DENND6B: variants seen among roughly 807,000 people sequenced by gnomAD.
DENND6B encodes protein DENND6B.
A neutral mutation model predicts 85.1 loss-of-function variants in DENND6B; 73 were observed. That is an observed-to-expected ratio of 0.86 (90% CI 0.71 to 1.04). DENND6B has a LOEUF of 1.04. Ranked by LOEUF, DENND6B falls within the 50% of genes least tolerant of loss-of-function variation. The probability of loss-of-function intolerance (pLI) is 0.00; values close to 1 mark genes in which losing one functional copy is unlikely to be tolerated. For synonymous variants in DENND6B, 357 were observed against 329.3 expected (o/e 1.08, Z -0.91); for missense variants, 715 against 785.8 (o/e 0.91, Z 1.08).
At position 50,323,375 on chromosome 22, in the gene DENND6B, C is replaced by T. The variant is rs192897367; in HGVS notation, c.177+3437G>A. ...CACGATCTCAGCTCACTGCAACCTC[C>T]ACCTCCCGGGTTCAAGCAATTCTCC... On this transcript the variant is annotated intron_variant, in intron 1 of 19. Coordinates refer to ENST00000413817, the MANE Select transcript of DENND6B (RefSeq NM_001001794.4). Among the ~76,000 whole-genome samples, 140 of 150,986 alleles carry T rather than the reference C, an allele frequency of 9.3e-4. 1 individual carries two copies. In the Middle Eastern group the frequency reaches 0.01, roughly 11 times the overall value.
Position 50,311,928 on chromosome 22 carries a change from C to G in DENND6B, c.*211G>C, listed in dbSNP as rs2068066593. 1.3e-5 allele frequency: 11 copies of G among 829,902 alleles called. No individual in the cohort carries two copies. Among genetic ancestry groups the G allele is most frequent in the Non-Finnish European group, 2.0e-5 (11 of 552,364 alleles). 51.4% of individuals were successfully genotyped at this position (829,902 alleles called of 1,614,324 possible). ...GTGGGACCCAGGAGGAGGCAAGGCT[C>G]TGCCTGCGAGGAACCCCTATGGTCA... On this transcript the variant is annotated 3_prime_UTR_variant, in exon 20 of 20. Coordinates refer to ENST00000413817, the MANE Select transcript of DENND6B (RefSeq NM_001001794.4).
rs2068041579 is a variant in DENND6B, at chr22:50,310,219, G to A, written c.*1920C>T. On this transcript the variant is annotated 3_prime_UTR_variant, in exon 20 of 20. Transcript: ENST00000413817. Reference sequence around the variant, plus strand: ...AGGCCCAAGCTGCATTTGGGGCCAGGACCTTTCTCACCCTCGGGTCCCCGG... The same window carrying A: ...AGGCCCAAGCTGCATTTGGGGCCAGAACCTTTCTCACCCTCGGGTCCCCGG... 1 of 152,364 alleles carries A rather than the reference G, an allele frequency of 6.6e-6. No individual in the cohort carries two copies. The allele number at this position is 152,364 out of a possible 1,614,324, so 9.4% of individuals were successfully genotyped here.
rs1412008282 is a variant in DENND6B, at chr22:50,316,873, G to A, written c.454-398C>T. ...TGAGGGGCAGCAGTGTCCTGGACCA[G>A]GACAGAAGGGCCTTGGGTCCCATGC... On this transcript the variant is annotated intron_variant, in intron 5 of 19. Coordinates refer to ENST00000413817, the MANE Select transcript of DENND6B (RefSeq NM_001001794.4). The A allele has an allele frequency of 1.3e-5, 5 of 398,376 alleles. No individual in the cohort carries two copies. The Admixed American group carries it at 3.1e-4, about 24-fold the overall frequency. The allele number at this position is 398,376 out of a possible 1,614,324, so 24.7% of individuals were successfully genotyped here.
intron 15 of DENND6B, 68 bp from the exon 16 acceptor site, chr22:50,313,567 G>T (rs1332020214): frequency 7.4e-6 from 1 of 135,684 alleles, no homozygotes. Flanking sequence ...CCGCAGCCCC[G>T]TCCCCCCCAA....
In DENND6B at chr22:50,316,195, A is replaced by G; in HGVS notation, c.618T>C (p.Pro206=). 1 of 1,612,156 alleles carries G rather than the reference A, an allele frequency of 6.2e-7. No individual in the cohort carries two copies. Among genetic ancestry groups the G allele is most frequent in the Non-Finnish European group, 8.5e-7 (1 of 1,179,776 alleles). ...TCACCTGGACAACAACGCCCATGAC[A>G]GGTAGGTTCAGGGTCTGCCCAGGTG... The part of the protein sequence containing the change: ...APAPGQTLNL[P]VMGVVVQVRI... The change falls in exon 7 of 20, where the codon CCT becomes CCC. Residue 206 remains proline (P), a synonymous_variant. Coordinates refer to ENST00000413817, the MANE Select transcript of DENND6B (RefSeq NM_001001794.4).
intron 5 of DENND6B, chr22:50,316,727 G>A (rs1032809771): frequency 3.5e-6 from 5 of 1,427,676 alleles, no homozygotes; most frequent in Non-Finnish European, 4.6e-6. Flanking sequence ...GGAGGGAAAC[G>A]CACGGTGGCC....
At chr22:50,319,131 C>T (rs1278053088) in intron 1 of DENND6B, 128 bp from the exon 2 acceptor site, 61 of 1,537,604 alleles carry the variant, frequency 4.0e-5, no homozygotes, top group Non-Finnish European at 5.1e-5. Context: ...GGTCAGTGCC[C>T]AAGGTGCTGG....
rs995884539 is a variant in DENND6B at position 50,312,076 on chromosome 22, C to A, written c.*63G>T. ...GCGTGTGCTTGGCCCAGTGCCGCCA[C>A]CACTGGGGAGTGGGAGGCTCAGGCA... On this transcript the variant is annotated 3_prime_UTR_variant, in exon 20 of 20. Coordinates refer to ENST00000413817, the MANE Select transcript of DENND6B (RefSeq NM_001001794.4). The A allele has an allele frequency of 2.5e-6, 4 of 1,585,706 alleles. No homozygotes were observed. The highest frequency in any genetic ancestry group is 1.7e-5 in the Admixed American group (1 of 57,624).
chr22:50,312,021 G>A lies in DENND6B; in HGVS notation c.*118C>T. Reference sequence around the variant, plus strand: ...AATGGTGGTGCAGGAAGGGGAGCCTGCAGTCTGGGCGGGGGGCCAAGGAAG... The same window carrying A: ...AATGGTGGTGCAGGAAGGGGAGCCTACAGTCTGGGCGGGGGGCCAAGGAAG... On this transcript the variant is annotated 3_prime_UTR_variant, in exon 20 of 20. Coordinates refer to ENST00000413817, the MANE Select transcript of DENND6B (RefSeq NM_001001794.4). The A allele has an allele frequency of 6.9e-7, 1 of 1,459,838 alleles. No homozygotes were observed. 90.4% of individuals were successfully genotyped at this position (1,459,838 alleles called of 1,614,324 possible).
rs1399686001 is a variant in DENND6B at position 50,314,266 on chromosome 22, AGGTCTCCTACG to A, written c.1073-5_1078del. On this transcript the variant is annotated splice_acceptor_variant and splice_polypyrimidine_tract_variant and coding_sequence_variant and intron_variant, in exon 13 of 20. Transcript: ENST00000413817. LOFTEE classifies it high-confidence loss of function. ...CTTTTTCAGCTTGACTTGCTTAGGC[AGGTCTCCTACG>A]AGACACGCCCGGTGGCCAGGCCTCA... is the stretch of plus-strand genomic sequence containing the variant. 2 of 1,609,584 alleles carry A rather than the reference AGGTCTCCTACG, an allele frequency of 1.2e-6. No individual in the cohort carries two copies. Among genetic ancestry groups the A allele is most frequent in the Non-Finnish European group, 1.7e-6 (2 of 1,179,174 alleles).
In DENND6B at chr22:50,314,906, C is replaced by A. The variant is rs2041751571; in HGVS notation, c.774G>T (p.Val258=). ...ELDLFRCFRP[V]LTHMQTLWEL... ...CCCACAGTGTCTGCATATGAGTCAG[C>A]ACAGGCCGGAAGCACCTGGGGCCGG... Residue 258 remains valine, a synonymous_variant, in exon 10 of 20, where the codon GTG becomes GTT. Coordinates refer to ENST00000413817, the MANE Select transcript of DENND6B (RefSeq NM_001001794.4). 1 of 1,610,998 alleles carries A rather than the reference C, an allele frequency of 6.2e-7. No homozygotes were observed. The highest frequency in any genetic ancestry group is 1.7e-5 in the Admixed American group (1 of 59,960).
chr22:50,312,566 G>T lies in DENND6B; in HGVS notation c.1517C>A (p.Ala506Asp). The T allele has an allele frequency of 6.3e-7, 1 of 1,596,094 alleles. No individual in the cohort carries two copies. The highest frequency in any genetic ancestry group is 1.7e-5 in the Admixed American group (1 of 57,698). The change falls in exon 18 of 20, where the codon GCC becomes GAC. Residue 506 changes from alanine (A) to aspartate (D), a missense_variant. Ala to Asp is a moderately radical substitution (Grantham distance 126, BLOSUM62 -2). Coordinates refer to ENST00000413817, the MANE Select transcript of DENND6B (RefSeq NM_001001794.4). ...CAGGTGCAGGGCCTCCAGCTTCAGG[G>T]CCATCTCCTTGTGCCGCTGCCGGTA... is the stretch of plus-strand genomic sequence containing the variant. ...GWYRQRHKEM[A>D]LKLEALHLEA...
intron 1 of DENND6B, 38 bp downstream of exon 1, chr22:50,326,774 C>A: frequency 7.4e-7 from 1 of 1,342,624 alleles, no homozygotes; most frequent in South Asian, 1.8e-5. Context: ...AGGCGCAGCC[C>A]TGCCCACCCG....
In DENND6B at chr22:50,326,896, C is replaced by A; in HGVS notation, c.93G>T (p.Pro31=). Residue 31 remains proline (P), a synonymous_variant, in exon 1 of 20, where the codon CCG becomes CCT. Coordinates refer to ENST00000413817, the MANE Select transcript of DENND6B (RefSeq NM_001001794.4). The stretch of plus-strand genomic sequence containing the variant: ...CGGAGAAGCGCGCCCAGGGCGCCGC[C>A]GGGGTCCGCGCCGCGCGACCTGAAG... ...PTSSGRAART[P]AAPWARFSAW... The A allele has an allele frequency of 7.1e-7, 1 of 1,401,746 alleles. No individual in the cohort carries two copies. Among genetic ancestry groups the A allele is most frequent in the Non-Finnish European group, 9.3e-7 (1 of 1,077,986 alleles). 86.8% of individuals were successfully genotyped at this position (1,401,746 alleles called of 1,614,324 possible).
chr22:50,313,399 G>A, intron 16 of DENND6B, 47 bp downstream of exon 16: 1 of 1,530,222 alleles, frequency 6.5e-7, no homozygotes, highest in Non-Finnish European at 8.8e-7. Flanking sequence ...GGTGAGGAAG[G>A]GAACCCGCCC....
intron 3 of DENND6B, among the ~76,000 whole-genome samples, 164 bp downstream of exon 3, chr22:50,318,683 G>A (rs62241231): frequency 0.61 from 93,348 of 152,010 alleles, 28,821 homozygotes; most frequent in East Asian, 0.63. Flanking sequence ...GCTGCAACGC[G>A]GGGCTCTGGG....
At chr22:50,315,063 G>A in intron 9 of DENND6B, 142 bp from the exon 10 acceptor site, 6 of 1,204,574 alleles carry the variant, frequency 5.0e-6, no homozygotes, top group Non-Finnish European at 6.9e-6. Context: ...AGATCTATCT[G>A]AAGATGTGTC....
chr22:50,318,353 G>GCC (rs1377779099), intron 3 of DENND6B, among the ~76,000 whole-genome samples: 5 of 152,116 alleles, frequency 3.3e-5, no homozygotes, highest in African/African-American at 4.8e-5. Flanking sequence ...AATAAAAAAA[G>GCC]CCCCAGAAAG....
Position 50,318,841 on chromosome 22 carries a change from GCCTA to G in DENND6B, c.259+2_259+5del. 1 of 1,613,172 alleles carries G rather than the reference GCCTA, an allele frequency of 6.2e-7. No homozygotes were observed. Among genetic ancestry groups the G allele is most frequent in the African/African-American group, 1.3e-5 (1 of 75,024 alleles). On this transcript the variant is annotated splice_donor_variant and splice_donor_5th_base_variant and intron_variant, in intron 3 of 19. Transcript: ENST00000413817. LOFTEE classifies it high-confidence loss of function. ...GTCCAGCCCCAGGAAAGGTGGGGTT[GCCTA>G]CCTGAGTGCGAGTCGGGAAAAGACA...
Sources: gnomAD v4.1 joint callset for allele counts (sites outside exome capture counted in the v4.1 genomes callset) on GRCh38, gnomAD v4.1.1 for gene constraint, MANE v1.5 for transcripts, NCBI Gene and HGNC (gene_info 2026-07-23, HGNC 2026-07-21) for gene names.